RBBP8: variants seen among roughly 807,000 people sequenced by gnomAD.
RBBP8 encodes RB binding protein 8, endonuclease, also known as DNA endonuclease RBBP8.
In RBBP8, 88 loss-of-function variants were observed where a neutral mutation model predicts 108.3. That is an observed-to-expected ratio of 0.81 (90% CI 0.68 to 0.97). The LOEUF (loss-of-function observed/expected upper bound fraction) is 0.97, where lower values mean the gene tolerates loss of function less well. Among genes scored for constraint, RBBP8 ranks in the 50% least tolerant of loss-of-function variants. RBBP8 has a pLI of 0.00. For missense variants in RBBP8, 1,023 were observed against 1,049.0 expected, an observed-to-expected ratio of 0.98 and a Z score of 0.34; for synonymous variants, 332 against 348.2, an observed-to-expected ratio of 0.95 and a Z score of 0.52.
chr18:22,993,755 C>A lies in RBBP8; in HGVS notation c.1847C>A (p.Thr616Asn), dbSNP rs201789881. 1.9e-6 allele frequency: 3 copies of A among 1,614,042 alleles called. No homozygotes were observed. Among genetic ancestry groups the A allele is most frequent in the Non-Finnish European group, 2.5e-6 (3 of 1,179,952 alleles). ...TCTCATGAGCCAATAAAAATACAAA[C>A]CAGGTCAGACCATGGAGGATGTGAA... is the stretch of plus-strand genomic sequence containing the variant. The part of the protein sequence containing the change: ...AGSHEPIKIQ[T>N]RSDHGGCELA... The change falls in exon 12 of 19, where the codon ACC becomes AAC. Residue 616 changes from threonine (T) to asparagine (N), a missense_variant. Coordinates refer to ENST00000327155, the MANE Select transcript of RBBP8 (RefSeq NM_002894.3).
At chr18:22,925,741 C>T (rs939569906) in intron 3 of RBBP8, among the ~76,000 whole-genome samples, 3 of 152,104 alleles carry the variant, frequency 2.0e-5, no homozygotes, top group African/African-American at 4.8e-5. Context: ...TGACTTGTTC[C>T]GACGGTTAGC....
At chr18:22,941,611 G>C (rs975361692) in intron 2 of RBBP8, among the ~76,000 whole-genome samples, 1 of 151,980 alleles carries the variant, frequency 6.6e-6, no homozygotes, top group Admixed American at 6.6e-5. Context: ...TCTTTAATAG[G>C]AACAATATGC....
upstream of RBBP8, chr18:22,929,562 G>GTA (rs1909944376): frequency 6.7e-6 from 1 of 148,706 alleles, no homozygotes; most frequent in Non-Finnish European, 1.5e-5. Context: ...ATGTGTGTGT[G>GTA]TTTAAGAGAC....
rs769309877 is a variant in RBBP8, at chr18:22,984,987, G to A, written c.706G>A (p.Ala236Thr). The A allele has an allele frequency of 6.2e-7, 1 of 1,611,000 alleles. No homozygotes were observed. The highest frequency in any genetic ancestry group is 8.5e-7 in the Non-Finnish European group (1 of 1,177,902). The change falls in exon 8 of 19, where the codon GCC (alanine) becomes ACC (threonine). Residue 236 changes from alanine (A) to threonine (T), a missense_variant. Physicochemically the swap from Ala to Thr is moderately conservative, Grantham distance 58. Coordinates refer to ENST00000327155, the MANE Select transcript of RBBP8 (RefSeq NM_002894.3). ...TTATGACCAAAGTCAATCTCCAATG[G>A]CCAGTAAGCAAGATACTGAGATTAC... Reference protein sequence around the residue: ...DTYDQSQSPMAKAHGTSSYTP... With the variant: ...DTYDQSQSPMTKAHGTSSYTP...
In RBBP8 at chr18:23,001,604, A is replaced by G. The variant is rs764171110; in HGVS notation, c.2162A>G (p.Asn721Ser). The G allele has an allele frequency of 8.7e-6, 14 of 1,614,132 alleles. No individual in the cohort carries two copies. The highest frequency in any genetic ancestry group is 2.2e-5 in the East Asian group (1 of 44,856). The change falls in exon 15 of 19, where the codon AAT (asparagine) becomes AGT (serine). Residue 721 changes from asparagine (N) to serine (S), a missense_variant. Asn to Ser is a conservative substitution (Grantham distance 46). Transcript: ENST00000327155. ...EKSSNEERKM[N>S]DSLEDMFDRT... is the part of the protein sequence containing the mutation. ...TACATAGATGAAGAAAGAAAAATGAATGATAGCTTGGAAGATATGTTTGAT... is the reference window on the plus strand; with the variant it reads ...TACATAGATGAAGAAAGAAAAATGAGTGATAGCTTGGAAGATATGTTTGAT...
intron 14 of RBBP8, among the ~76,000 whole-genome samples, chr18:23,001,204 T>A (rs1191299084): frequency 1.3e-5 from 2 of 152,236 alleles, no homozygotes; most frequent in Non-Finnish European, 1.5e-5. Context: ...TAGAACTATC[T>A]TTTACATACG....
chr18:22,976,985 A>T (rs1399287515), intron 6 of RBBP8, among the ~76,000 whole-genome samples: 1 of 152,114 alleles, frequency 6.6e-6, no homozygotes, highest in Non-Finnish European at 1.5e-5. Flanking sequence ...TTTAGAAAAG[A>T]AGTGAAGGCT....
intron 3 of RBBP8, among the ~76,000 whole-genome samples, chr18:22,927,124 G>A (rs12957183): frequency 0.49 from 73,968 of 152,042 alleles, 21,296 homozygotes; most frequent in Middle Eastern, 0.65. Flanking sequence ...TTGTCTTAAA[G>A]TTTCTTTCCC....
At chr18:22,957,447 A>G (rs890299433) in intron 4 of RBBP8, among the ~76,000 whole-genome samples, 3 of 152,006 alleles carry the variant, frequency 2.0e-5, no homozygotes, top group Admixed American at 1.3e-4. Context: ...ATGTCAATAA[A>G]TCTTTTTGGG....
intron 4 of RBBP8, among the ~76,000 whole-genome samples, chr18:22,956,396 A>T (rs1912543217): frequency 6.6e-6 from 1 of 152,048 alleles, no homozygotes; most frequent in African/African-American, 2.4e-5. Context: ...GTGTAATGGC[A>T]CCATCATAGC....
intron 17 of RBBP8, 67 bp downstream of exon 17, chr18:23,016,991 T>C (rs912625057): frequency 1.8e-6 from 2 of 1,135,862 alleles, no homozygotes; most frequent in Admixed American, 1.8e-5. Context: ...TGCATGATTT[T>C]AAAATCACGT....
At chr18:22,958,896 T>G (rs1912827610) in intron 4 of RBBP8, among the ~76,000 whole-genome samples, 1 of 152,220 alleles carries the variant, frequency 6.6e-6, no homozygotes, top group African/African-American at 2.4e-5. Context: ...TGTACTAATT[T>G]AGGTCATTCA....
intron 3 of RBBP8, among the ~76,000 whole-genome samples, chr18:22,948,108 CAATTT>C (rs1911727155): frequency 6.6e-6 from 1 of 151,964 alleles, no homozygotes; most frequent in South Asian, 2.1e-4. Context: ...TGTAAATCTT[CAATTT>C]AATATTTACT....
At chr18:22,924,991 C>T (rs192510617) in intron 3 of RBBP8, among the ~76,000 whole-genome samples, 55 of 152,090 alleles carry the variant, frequency 3.6e-4, no homozygotes, top group African/African-American at 1.2e-3. Context: ...TCAAGCAATC[C>T]TCCCATCTTA....
At chr18:23,023,376 T>C (rs553235607) in intron 18 of RBBP8, among the ~76,000 whole-genome samples, 1 of 152,332 alleles carries the variant, frequency 6.6e-6, no homozygotes, top group East Asian at 1.9e-4. Context: ...ATTTGTTAGG[T>C]TGTTGACATG....
chr18:23,013,602 G>T (rs906488247), intron 16 of RBBP8, among the ~76,000 whole-genome samples: 2 of 152,176 alleles, frequency 1.3e-5, no homozygotes, highest in African/African-American at 4.8e-5. Flanking sequence ...CCTCTTGACT[G>T]ATTTGCTGGT....
At chr18:22,946,562 G>C (rs1567951978) in intron 3 of RBBP8, 76 bp downstream of exon 3, 22 of 1,587,486 alleles carry the variant, frequency 1.4e-5, no homozygotes, top group Non-Finnish European at 1.9e-5. Flanking sequence ...CATTCATAGA[G>C]TAGTTGATAC....
chr18:22,931,176 G>C (rs559789207), upstream of RBBP8, among the ~76,000 whole-genome samples: 1 of 152,254 alleles, frequency 6.6e-6, no homozygotes, highest in Non-Finnish European at 1.5e-5. Flanking sequence ...TAGTAGAAGA[G>C]ACTATTGAAA....
intron 16 of RBBP8, among the ~76,000 whole-genome samples, chr18:23,013,726 G>C (rs1268297806): frequency 6.6e-6 from 1 of 152,204 alleles, no homozygotes; most frequent in Non-Finnish European, 1.5e-5. Flanking sequence ...GTTTTACAAA[G>C]GTGGTTTCAG....
Sources: gnomAD v4.1 joint callset for allele counts (sites outside exome capture counted in the v4.1 genomes callset) on GRCh38, gnomAD v4.1.1 for gene constraint, MANE v1.5 for transcripts, NCBI Gene and HGNC (gene_info 2026-07-23, HGNC 2026-07-21) for gene names.